The following FYB1 variants were observed in gnomAD, a reference collection of about 807,000 sequenced individuals.
The protein encoded by FYB1 is FYN-binding protein 1.
A neutral mutation model predicts 94.1 loss-of-function variants in FYB1; 41 were observed. The observed-to-expected ratio is 0.44, with a 90% CI of 0.34 to 0.57. The LOEUF is 0.57. Among genes scored for constraint, FYB1 ranks in the 20% least tolerant of loss-of-function variants. The probability of loss-of-function intolerance (pLI) is 0.02; values close to 1 mark genes in which losing one functional copy is unlikely to be tolerated. For synonymous variants in FYB1, 367 were observed against 353.2 expected (o/e 1.04, Z -0.44); for missense variants, 1,050 against 976.8 (o/e 1.07, Z -1.00).
intron 1 of FYB1, among the ~76,000 whole-genome samples, chr5:39,230,981 C>T (rs1464421021): frequency 6.6e-6 from 1 of 151,586 alleles, no homozygotes; most frequent in Non-Finnish European, 1.5e-5. Flanking sequence ...GTGCAAATAT[C>T]TTTCTATTTA....
At chr5:39,152,964 G>A (rs150948469) in intron 3 of FYB1, among the ~76,000 whole-genome samples, 204 of 152,234 alleles carry the variant, frequency 1.3e-3, no homozygotes, top group African/African-American at 4.5e-3. Context: ...TGGCTTCTTT[G>A]CAGAGCTAAA....
At chr5:39,133,829 G>T (rs753671141) in intron 9 of FYB1, among the ~76,000 whole-genome samples, 1 of 152,016 alleles carries the variant, frequency 6.6e-6, no homozygotes, top group East Asian at 1.9e-4. Flanking sequence ...AATATATTTA[G>T]AATCAGAGAT....
intron 1 of FYB1, among the ~76,000 whole-genome samples, chr5:39,245,289 C>A (rs921141118): frequency 3.9e-5 from 6 of 152,134 alleles, no homozygotes; most frequent in African/African-American, 1.4e-4. Flanking sequence ...CTGGACTTAG[C>A]AGGTAGTTAA....
chr5:39,219,670 C>T, upstream of FYB1: 1 of 875,648 alleles, frequency 1.1e-6, no homozygotes, highest in Non-Finnish European at 1.4e-6. Flanking sequence ...CTATTATGCC[C>T]TCAGGATATT....
intron 3 of FYB1, 147 bp downstream of exon 3, chr5:39,153,301 C>T (rs777828432): frequency 2.9e-5 from 27 of 939,424 alleles, no homozygotes; most frequent in Non-Finnish European, 4.5e-5. Context: ...GCCAGCTCGG[C>T]CAGCTCAGCC....
chr5:39,108,176 A>G, intron 18 of FYB1, 55 bp downstream of exon 18: 1 of 1,440,358 alleles, frequency 6.9e-7, no homozygotes, highest in Non-Finnish European at 9.4e-7. Flanking sequence ...TAGCATTTAT[A>G]AAAACAGTAA....
intron 2 of FYB1, among the ~76,000 whole-genome samples, chr5:39,166,298 T>A (rs549704090): frequency 6.6e-6 from 1 of 152,100 alleles, no homozygotes; most frequent in East Asian, 1.9e-4. Context: ...TATCCGGGCC[T>A]GGTGGCAGGT....
Position 39,134,860 on chromosome 5 carries a change from C to A in FYB1, c.1670G>T (p.Gly557Val). ...ATAGAGAAATTTGCACTCACATGAA[C>A]CCCTTGCTGTTCTGCCCAACCATTT... ...EGKWLGRTAR[G>V]SYGYIKTTAV... is the part of the protein sequence containing the mutation. Residue 557 changes from glycine to valine, a missense_variant, in exon 8 of 19, where the codon GGT becomes GTT. Physicochemically the swap from Gly to Val is moderately radical, Grantham distance 109 (BLOSUM62 -3). Coordinates refer to ENST00000512982, the MANE Select transcript of FYB1 (RefSeq NM_001465.6). 1 of 1,613,816 alleles carries A rather than the reference C, an allele frequency of 6.2e-7. No individual in the cohort carries two copies. The highest frequency in any genetic ancestry group is 1.3e-5 in the African/African-American group (1 of 75,022).
At chr5:39,113,858 G>GA (rs367851845) in intron 16 of FYB1, among the ~76,000 whole-genome samples, 34 of 152,008 alleles carry the variant, frequency 2.2e-4, no homozygotes, top group African/African-American at 7.5e-4. Context: ...TATAATAAAA[G>GA]AAAAAACAGA....
chr5:39,127,326 A>G (rs921066408), intron 11 of FYB1, among the ~76,000 whole-genome samples: 3 of 151,632 alleles, frequency 2.0e-5, no homozygotes, highest in Non-Finnish European at 2.9e-5. Flanking sequence ...TGCAACTGAT[A>G]AACTCTTCAG....
chr5:39,190,518 C>T (rs1216598769), intron 2 of FYB1, among the ~76,000 whole-genome samples: 1 of 152,224 alleles, frequency 6.6e-6, no homozygotes, highest in East Asian at 1.9e-4. Flanking sequence ...GGTTGCATGC[C>T]ACTCAGCCCG....
At chr5:39,209,239 A>T (rs1249498280) in intron 1 of FYB1, among the ~76,000 whole-genome samples, 4 of 152,070 alleles carry the variant, frequency 2.6e-5, no homozygotes, top group Admixed American at 2.6e-4. Context: ...TCCTGACGAG[A>T]CCCTTCACAA....
chr5:39,227,716 G>C (rs750720636), intron 1 of FYB1, among the ~76,000 whole-genome samples: 3 of 152,144 alleles, frequency 2.0e-5, no homozygotes, highest in Admixed American at 6.5e-5. Flanking sequence ...TTGCCATAAT[G>C]GCTTCCGTCA....
chr5:39,107,864 A>G (rs760138034), intron 18 of FYB1, among the ~76,000 whole-genome samples: 51 of 152,092 alleles, frequency 3.4e-4, no homozygotes, highest in South Asian at 1.2e-3. Flanking sequence ...GTTTGGAACT[A>G]TATGATGCTT....
intron 13 of FYB1, among the ~76,000 whole-genome samples, chr5:39,123,089 T>G (rs772657048): frequency 3.3e-5 from 5 of 152,194 alleles, no homozygotes; most frequent in Non-Finnish European, 5.9e-5. Flanking sequence ...TCAGGAATAA[T>G]GCTTCCTCCC....
At chr5:39,215,739 C>A (rs114703635) in intron 1 of FYB1, among the ~76,000 whole-genome samples, 1 of 152,132 alleles carries the variant, frequency 6.6e-6, no homozygotes, top group South Asian at 2.1e-4. Context: ...TGATTTAGCA[C>A]GAGTGAATGG....
At chr5:39,206,290 T>A (rs1367822246) in intron 1 of FYB1, among the ~76,000 whole-genome samples, 3 of 152,216 alleles carry the variant, frequency 2.0e-5, no homozygotes, top group African/African-American at 7.2e-5. Context: ...TAATATTGGC[T>A]TCTTAGCTTT....
chr5:39,272,665 C>T (rs1365007718), intron 1 of FYB1, among the ~76,000 whole-genome samples: 3 of 87,916 alleles, frequency 3.4e-5, no homozygotes, highest in Non-Finnish European at 6.2e-5. Context: ...GAACCAGACT[C>T]ATCTCAAAAA....
chr5:39,156,889 A>G (rs1743813313), intron 2 of FYB1, among the ~76,000 whole-genome samples: 1 of 152,226 alleles, frequency 6.6e-6, no homozygotes, highest in South Asian at 2.1e-4. Context: ...GATGGAAAGA[A>G]AGGGGATGAA....
Sources: gnomAD v4.1 joint callset for allele counts (sites outside exome capture counted in the v4.1 genomes callset) on GRCh38, gnomAD v4.1.1 for gene constraint, MANE v1.5 for transcripts, NCBI Gene and HGNC (gene_info 2026-07-23, HGNC 2026-07-21) for gene names.